DISC1: variants seen among roughly 807,000 people sequenced by gnomAD.
The protein encoded by DISC1 is disrupted in schizophrenia 1 protein.
A neutral mutation model predicts 84.5 loss-of-function variants in DISC1; 57 were observed. The ratio of observed to expected loss-of-function variants is 0.67; its 90% CI spans 0.55 to 0.84. The LOEUF (loss-of-function observed/expected upper bound fraction) is 0.84, where lower values mean the gene tolerates loss of function less well. DISC1 is among the 40% of genes least tolerant of loss of function. The probability of loss-of-function intolerance (pLI) is 0.00; values close to 1 mark genes in which losing one functional copy is unlikely to be tolerated. For missense variants in DISC1, 1,000 were observed against 1,057.8 expected (o/e 0.95, Z 0.76); for synonymous variants, 411 against 415.2 (o/e 0.99, Z 0.12).
intron 1 of DISC1, among the ~76,000 whole-genome samples, chr1:231,685,484 G>A (rs1270560607): frequency 1.3e-5 from 2 of 151,670 alleles, no homozygotes; most frequent in Non-Finnish European, 2.9e-5. Context: ...ACAGAGTCTC[G>A]CTCTGTTGCC....
chr1:231,838,281 C>A (rs545754915), intron 9 of DISC1, among the ~76,000 whole-genome samples: 3 of 136,570 alleles, frequency 2.2e-5, no homozygotes, highest in African/African-American at 8.7e-5. Context: ...AACTGTGTTC[C>A]GGTTGCTTAA....
intron 4 of DISC1, 97 bp downstream of exon 4, chr1:231,750,173 C>T (rs1477138332): frequency 6.7e-7 from 1 of 1,498,318 alleles, no homozygotes; most frequent in Non-Finnish European, 8.9e-7. Context: ...GCTGTAGAGA[C>T]CCTTGGCTGC....
At chr1:231,806,715 A>T (rs1167952195) in intron 8 of DISC1, among the ~76,000 whole-genome samples, 1 of 152,212 alleles carries the variant, frequency 6.6e-6, no homozygotes, top group African/African-American at 2.4e-5. Flanking sequence ...GGCTGCCTGG[A>T]AAGGAAGTGA....
intron 11 of DISC1, 25 bp from the exon 12 acceptor site, chr1:232,026,410 G>A (rs777751438): frequency 1.3e-6 from 2 of 1,493,418 alleles, no homozygotes; most frequent in Non-Finnish European, 1.8e-6. Flanking sequence ...ACTAACAAGT[G>A]ATCTTGTTTT....
Position 231,694,235 on chromosome 1 carries a change from C to G in DISC1, c.477C>G (p.Ser159Arg). The change falls in exon 2 of 13, where the codon AGC becomes AGG. Residue 159 changes from serine (S) to arginine (R), a missense_variant. Transcript: ENST00000439617. ...ATAGTTCTGAGACCCTGGACGCCAG[C>G]TGGGAGGCAGCCTGCAGCGATGGAG... Reference protein sequence around the residue: ...AMDSSETLDASWEAACSDGAR... With the variant: ...AMDSSETLDARWEAACSDGAR... 6.2e-7 allele frequency: 1 copy of G among 1,614,218 alleles called. No homozygotes were observed. Among genetic ancestry groups the G allele is most frequent in the Non-Finnish European group, 8.5e-7 (1 of 1,180,042 alleles).
rs1457894159 is a variant in DISC1 at position 232,037,656 on chromosome 1, A to G, written c.*825A>G. ...CATTTAGGAAAGCAGTGCAGTACTC[A>G]GTAAGGCAGTGCAGTACTCAGTAAC... On this transcript the variant is annotated 3_prime_UTR_variant, in exon 13 of 13. Transcript: ENST00000439617. 4 of 152,290 alleles carry G rather than the reference A, an allele frequency of 2.6e-5. No homozygotes were observed. Among genetic ancestry groups the G allele is most frequent in the African/African-American group, 9.6e-5 (4 of 41,462 alleles). 9.4% of individuals were successfully genotyped at this position (152,290 alleles called of 1,614,324 possible). A position where few individuals can be genotyped will look rare whatever the true frequency, so the allele number is the denominator to read the frequency against.
intron 6 of DISC1, among the ~76,000 whole-genome samples, chr1:231,788,718 C>T (rs1167719832): frequency 6.6e-6 from 1 of 152,146 alleles, no homozygotes; most frequent in African/African-American, 2.4e-5. Context: ...AAGTTTTTAA[C>T]CTCTTTCTCT....
intron 2 of DISC1, among the ~76,000 whole-genome samples, chr1:231,695,243 C>T (rs1239643589): frequency 6.6e-6 from 1 of 152,234 alleles, no homozygotes; most frequent in East Asian, 1.9e-4. Flanking sequence ...TTCCATCCTG[C>T]TGCAGTGGCT....
At chr1:231,742,538 C>T (rs1359366496) in intron 3 of DISC1, among the ~76,000 whole-genome samples, 6 of 151,800 alleles carry the variant, frequency 4.0e-5, no homozygotes, top group Admixed American at 2.0e-4. Context: ...TTTGGGAGGC[C>T]GAGGCAGGAA....
At chr1:231,802,637 G>C (rs2079365113) in intron 8 of DISC1, among the ~76,000 whole-genome samples, 1 of 152,110 alleles carries the variant, frequency 6.6e-6, no homozygotes, top group Admixed American at 6.6e-5. Context: ...AACCTGGCCA[G>C]ATCTAGCTCC....
chr1:231,838,140 G>A lies in DISC1; in HGVS notation c.1981+19623G>A, dbSNP rs185827084. Among the ~76,000 whole-genome samples the A allele has an allele frequency of 3.2e-3, 487 of 152,306 alleles. 1 individual carries two copies. Among genetic ancestry groups the A allele is most frequent in the Middle Eastern group, 0.02 (6 of 294 alleles). ...AATACTGGAGAAGAACATGTGGCCCGTGAAGCATTTGACTGTTAATATTTC... is the reference window on the plus strand; with the variant it reads ...AATACTGGAGAAGAACATGTGGCCCATGAAGCATTTGACTGTTAATATTTC... On this transcript the variant is annotated intron_variant, in intron 9 of 12. Coordinates refer to ENST00000439617, the MANE Select transcript of DISC1 (RefSeq NM_018662.3).
intron 9 of DISC1, among the ~76,000 whole-genome samples, chr1:231,904,193 G>T (rs1279622632): frequency 6.6e-6 from 1 of 152,202 alleles, no homozygotes; most frequent in Non-Finnish European, 1.5e-5. Flanking sequence ...GTGCAGGTTT[G>T]GCAGCCCAGA....
chr1:231,841,483 C>G (rs563148302), intron 9 of DISC1, among the ~76,000 whole-genome samples: 1 of 152,332 alleles, frequency 6.6e-6, no homozygotes, highest in African/African-American at 2.4e-5. Context: ...CTCAGTTTAT[C>G]CAGCTCATTG....
intron 9 of DISC1, among the ~76,000 whole-genome samples, chr1:231,921,147 C>G (rs1014551302): frequency 6.6e-6 from 1 of 152,002 alleles, no homozygotes; most frequent in Non-Finnish European, 1.5e-5. Flanking sequence ...ATCTCCTGAC[C>G]TCGTGATCTG....
intron 1 of DISC1, among the ~76,000 whole-genome samples, chr1:231,632,054 G>A (rs1312311981): frequency 6.6e-6 from 1 of 152,146 alleles, no homozygotes; most frequent in Admixed American, 6.5e-5. Flanking sequence ...AGATGGAAAA[G>A]TACTTACCAT....
intron 9 of DISC1, among the ~76,000 whole-genome samples, chr1:231,888,359 G>C (rs1040944): frequency 0.92 from 139,681 of 152,078 alleles, 64,302 homozygotes; most frequent in East Asian, 1. Flanking sequence ...AATACCAGAG[G>C]AGGCAAGCCA....
At chr1:231,743,060 G>A (rs1249378657) in intron 3 of DISC1, among the ~76,000 whole-genome samples, 1 of 152,202 alleles carries the variant, frequency 6.6e-6, no homozygotes, top group Non-Finnish European at 1.5e-5. Context: ...CATTTCCAGT[G>A]TTTAATTTTG....
intron 9 of DISC1, among the ~76,000 whole-genome samples, chr1:231,856,966 C>T (rs1162972485): frequency 6.6e-6 from 1 of 152,208 alleles, no homozygotes; most frequent in African/African-American, 2.4e-5. Flanking sequence ...AAGGGGTCTT[C>T]CACCTAGAAA....
intron 3 of DISC1, among the ~76,000 whole-genome samples, chr1:231,749,297 C>G (rs2074346601): frequency 6.6e-6 from 1 of 152,174 alleles, no homozygotes; most frequent in South Asian, 2.1e-4. Context: ...CAGCACTCTT[C>G]CAAATGATCT....
Sources: allele counts gnomAD v4.1 joint callset (sites outside exome capture counted in the v4.1 genomes callset), GRCh38; gene constraint gnomAD v4.1.1; transcripts MANE v1.5; gene names NCBI Gene and HGNC (gene_info 2026-07-23, HGNC 2026-07-21).